Variants in CTTNBP2 observed in about 807,000 individuals in gnomAD.
The protein encoded by CTTNBP2 is cortactin-binding protein 2.
CTTNBP2 carries 108 observed loss-of-function variants against 156.9 expected under a neutral mutation model. That is an observed-to-expected ratio of 0.69 (90% CI 0.59 to 0.81). The LOEUF is 0.81. Among genes scored for constraint, CTTNBP2 ranks in the 30% least tolerant of loss-of-function variants. The probability of loss-of-function intolerance (pLI) is 0.00; values close to 1 mark genes in which losing one functional copy is unlikely to be tolerated. For synonymous variants in CTTNBP2, 767 were observed against 751.8 expected (o/e 1.02, Z -0.33); for missense variants, 1,924 against 2,035.4 (o/e 0.95, Z 1.05).
chr7:117,873,179 G>T (rs1302405696), intron 1 of CTTNBP2, among the ~76,000 whole-genome samples, 156 bp downstream of exon 1: 1 of 152,066 alleles, frequency 6.6e-6, no homozygotes, highest in African/African-American at 2.4e-5. Flanking sequence ...CGCCGTGTGG[G>T]CATCCCGAGG....
At chr7:117,836,330 T>C (rs1017386701) in intron 2 of CTTNBP2, among the ~76,000 whole-genome samples, 4 of 152,142 alleles carry the variant, frequency 2.6e-5, no homozygotes, top group African/African-American at 7.2e-5. Context: ...TTTGGGAGGC[T>C]GAGGTGGGCG....
intron 2 of CTTNBP2, among the ~76,000 whole-genome samples, chr7:117,843,073 G>T (rs1415064817): frequency 6.6e-6 from 1 of 152,168 alleles, no homozygotes; most frequent in Admixed American, 6.5e-5. Flanking sequence ...GTTGTAATCT[G>T]TACTAAACAC....
In CTTNBP2 at chr7:117,792,256, C is replaced by T. The variant is rs768453148; in HGVS notation, c.940G>A (p.Glu314Lys). 4.2e-5 allele frequency: 68 copies of T among 1,614,098 alleles called. No homozygotes were observed. The highest frequency in any genetic ancestry group is 5.3e-5 in the Non-Finnish European group (63 of 1,180,050). Reference sequence around the variant, plus strand: ...AACTTTTTCATGTGGTCAGCATTTTCTGTCACTAGGTCTGTCTGGCATGCA... The same window carrying T: ...AACTTTTTCATGTGGTCAGCATTTTTTGTCACTAGGTCTGTCTGGCATGCA... Reference protein sequence around the residue: ...SVACQTDLVTENADHMKKLPL... With the variant: ...SVACQTDLVTKNADHMKKLPL... Residue 314 changes from glutamate to lysine, a missense_variant, in exon 4 of 23, where the codon GAA becomes AAA. By Grantham distance (56) the Glu-to-Lys change is moderately conservative. Coordinates refer to ENST00000160373, the MANE Select transcript of CTTNBP2 (RefSeq NM_033427.3). This position sits in a 1 kb window ranked among gnomAD's most constrained non-coding sequence, Gnocchi z 4.2.
At chr7:117,728,328 C>A in intron 16 of CTTNBP2, 61 bp from the exon 17 acceptor site, 8 of 1,210,050 alleles carry the variant, frequency 6.6e-6, no homozygotes, top group African/African-American at 1.5e-5. Flanking sequence ...TTTTAGAAGC[C>A]CAAAATTAAA....
intron 1 of CTTNBP2, among the ~76,000 whole-genome samples, chr7:117,865,202 T>A (rs1344211563): frequency 6.6e-6 from 1 of 151,674 alleles, no homozygotes; most frequent in African/African-American, 2.4e-5. Context: ...AAGGTCTCTA[T>A]CAGGGCACCA....
chr7:117,780,822 GA>G (rs1166587689), intron 6 of CTTNBP2, among the ~76,000 whole-genome samples: 5 of 152,032 alleles, frequency 3.3e-5, no homozygotes, highest in Admixed American at 3.3e-4. Context: ...AGGAAATTTT[GA>G]AAAGTGCTAA....
chr7:117,812,471 G>C (rs544345108), intron 2 of CTTNBP2, among the ~76,000 whole-genome samples: 13 of 151,726 alleles, frequency 8.6e-5, no homozygotes, highest in Non-Finnish European at 1.6e-4. Flanking sequence ...CCAACAACTA[G>C]ATAAACACAA....
chr7:117,760,717 G>C lies in CTTNBP2; in HGVS notation c.2897-7C>G, dbSNP rs758398790. The stretch of plus-strand genomic sequence containing the variant: ...AAGGGTATTTTAAGAGCATCTGTTA[G>C]AAGAGTAAAAGAATTAGGAGTTAAA... On this transcript the variant is annotated splice_polypyrimidine_tract_variant and splice_region_variant and intron_variant, in intron 9 of 22. Transcript: ENST00000160373. 1.8e-5 allele frequency: 28 copies of C among 1,590,752 alleles called. No individual in the cohort carries two copies. In the East Asian group the frequency reaches 6.3e-4, roughly 36 times the overall value.
At chr7:117,738,959 G>A (rs543529745) in intron 14 of CTTNBP2, among the ~76,000 whole-genome samples, 1 of 152,292 alleles carries the variant, frequency 6.6e-6, no homozygotes, top group Non-Finnish European at 1.5e-5. Context: ...GGGAAGGGCT[G>A]CTATACATAA....
chr7:117,844,281 T>G (rs952307661), intron 2 of CTTNBP2, among the ~76,000 whole-genome samples: 2 of 152,104 alleles, frequency 1.3e-5, no homozygotes, highest in Non-Finnish European at 2.9e-5. Flanking sequence ...GATAATAAAT[T>G]TGTGTTCCTT....
At chr7:117,729,467 T>C (rs1795284862) in intron 16 of CTTNBP2, among the ~76,000 whole-genome samples, 1 of 152,192 alleles carries the variant, frequency 6.6e-6, no homozygotes, top group South Asian at 2.1e-4. Context: ...TAATTTTGCA[T>C]AGAGGTGTGT....
intron 11 of CTTNBP2, 84 bp downstream of exon 11, chr7:117,757,791 A>G: frequency 1.2e-6 from 1 of 814,902 alleles, no homozygotes; most frequent in Non-Finnish European, 1.9e-6. Flanking sequence ...ATGGGATGAA[A>G]CGTGAAGATT....
chr7:117,718,871 T>C (rs1016337914), intron 21 of CTTNBP2, among the ~76,000 whole-genome samples: 3 of 152,132 alleles, frequency 2.0e-5, no homozygotes, highest in African/African-American at 7.2e-5. Flanking sequence ...AAAGGAAAAA[T>C]ATCTGAGGAA....
intron 5 of CTTNBP2, 25 bp downstream of exon 5, chr7:117,784,226 T>C (rs1205217602): frequency 6.6e-7 from 1 of 1,517,752 alleles, no homozygotes; most frequent in South Asian, 1.3e-5. Context: ...TGCAAGTGTG[T>C]GGTATAAGAT....
intron 19 of CTTNBP2, among the ~76,000 whole-genome samples, chr7:117,722,234 C>A (rs1370907533): frequency 1.3e-5 from 2 of 149,372 alleles, no homozygotes; most frequent in African/African-American, 5.0e-5. Context: ...TAGTGATCTG[C>A]ATGCAAAAGG....
At position 117,757,893 on chromosome 7, in the gene CTTNBP2, T is replaced by A. The variant is rs1291406752; in HGVS notation, c.3250A>T (p.Ile1084Phe). ...DFMRKNKAEHITVLLSGPQEG... is the reference protein window; with the variant it reads ...DFMRKNKAEHFTVLLSGPQEG... Reference sequence around the variant, plus strand: ...TCCTTACCTGACAAAAGCACAGTGATGTGCTCTGCCTTATTCTTCCTCATA... The same window carrying A: ...TCCTTACCTGACAAAAGCACAGTGAAGTGCTCTGCCTTATTCTTCCTCATA... Residue 1084 changes from isoleucine (I) to phenylalanine (F), a missense_variant, in exon 11 of 23, where the codon ATC (isoleucine) becomes TTC (phenylalanine). Coordinates refer to ENST00000160373, the MANE Select transcript of CTTNBP2 (RefSeq NM_033427.3). 3 of 1,612,050 alleles carry A rather than the reference T, an allele frequency of 1.9e-6. No homozygotes were observed.
chr7:117,789,667 T>C (rs1243633043), intron 4 of CTTNBP2, among the ~76,000 whole-genome samples: 3 of 152,178 alleles, frequency 2.0e-5, no homozygotes, highest in African/African-American at 7.2e-5. Flanking sequence ...TTCTCAAAAA[T>C]ACTGTAAGCA....
intron 2 of CTTNBP2, among the ~76,000 whole-genome samples, chr7:117,841,752 C>A (rs528451933): frequency 5.4e-4 from 82 of 152,252 alleles, no homozygotes; most frequent in Non-Finnish European, 1.0e-3. Flanking sequence ...AGGCAGAGAC[C>A]ACTACTAACT....
rs184190800 is a variant in CTTNBP2 at position 117,785,553 on chromosome 7, C to G, written c.2069-1099G>C. Among the ~76,000 whole-genome samples the G allele has an allele frequency of 1.2e-4, 18 of 152,260 alleles. No individual in the cohort carries two copies. The East Asian group carries it at 3.5e-3, about 29-fold the overall frequency. On this transcript the variant is annotated intron_variant, in intron 4 of 22. Transcript: ENST00000160373. The stretch of plus-strand genomic sequence containing the variant: ...CCAATTAAGACTATTTTGTCCTGAC[C>G]AAAGTGATTACAGATGGAGGGCTTT...
Sources: gnomAD v4.1 joint callset for allele counts (sites outside exome capture counted in the v4.1 genomes callset) on GRCh38, gnomAD v4.1.1 for gene constraint, Gnocchi (gnomAD v3.1) non-coding constraint, MANE v1.5 for transcripts, NCBI Gene and HGNC (gene_info 2026-07-23, HGNC 2026-07-21) for gene names.